The following ADAMTS3 variants were observed in gnomAD, a reference collection of about 807,000 sequenced individuals.
The protein encoded by ADAMTS3 is ADAM metallopeptidase with thrombospondin type 1 motif 3.
Under a neutral mutation model 129.0 loss-of-function variants are expected in ADAMTS3, and 73 were observed. The observed-to-expected ratio is 0.57, with a 90% CI of 0.47 to 0.69. The LOEUF is 0.69. ADAMTS3 is among the 30% of genes least tolerant of loss of function. The probability of loss-of-function intolerance (pLI) is 0.00; values close to 1 mark genes in which losing one functional copy is unlikely to be tolerated. For synonymous variants in ADAMTS3, 477 were observed against 510.8 expected (o/e 0.93, Z 0.89); for missense variants, 1,457 against 1,514.5 (o/e 0.96, Z 0.63).
intron 3 of ADAMTS3, among the ~76,000 whole-genome samples, chr4:72,416,425 A>T (rs1722306949): frequency 6.6e-6 from 1 of 151,916 alleles, no homozygotes; most frequent in Non-Finnish European, 1.5e-5. Context: ...ACAGCCCTGG[A>T]ACCTATGCGA....
At chr4:72,345,229 T>C (rs1180378316) in intron 4 of ADAMTS3, among the ~76,000 whole-genome samples, 1 of 152,142 alleles carries the variant, frequency 6.6e-6, no homozygotes, top group Non-Finnish European at 1.5e-5. Flanking sequence ...AGAATACTGT[T>C]ATGAAATGAA....
chr4:72,541,181 A>T (rs890957407), intron 3 of ADAMTS3, among the ~76,000 whole-genome samples: 39 of 152,268 alleles, frequency 2.6e-4, no homozygotes, highest in African/African-American at 9.1e-4. Context: ...CATCAGCATG[A>T]CCCAGATGTG....
chr4:72,440,821 T>C (rs1416018549), intron 3 of ADAMTS3, among the ~76,000 whole-genome samples: 1 of 151,768 alleles, frequency 6.6e-6, no homozygotes, highest in Non-Finnish European at 1.5e-5. Context: ...GGGAGTGAAA[T>C]ACACCTATTC....
intron 4 of ADAMTS3, among the ~76,000 whole-genome samples, chr4:72,390,790 G>A (rs1257763815): frequency 6.6e-6 from 1 of 151,000 alleles, no homozygotes; most frequent in Admixed American, 6.6e-5. Context: ...ATACCTGAAA[G>A]CTATTTTAAA....
chr4:72,353,478 G>A lies in ADAMTS3; in HGVS notation c.662-13785C>T, dbSNP rs577973049. Among the ~76,000 whole-genome samples the A allele has an allele frequency of 8.5e-4, 130 of 152,074 alleles. 1 individual carries two copies. Among genetic ancestry groups the A allele is most frequent in the African/African-American group, 3.0e-3 (125 of 41,526 alleles). ...TAGCTGTGTGGATGCTGAAAGAAAG[G>A]TGCAGTTTCAGTTGTAGCTGTTTGT... On this transcript the variant is annotated intron_variant, in intron 4 of 21. Coordinates refer to ENST00000286657, the MANE Select transcript of ADAMTS3 (RefSeq NM_014243.3).
At chr4:72,334,044 G>A (rs1379537079) in intron 5 of ADAMTS3, among the ~76,000 whole-genome samples, 2 of 151,662 alleles carry the variant, frequency 1.3e-5, no homozygotes, top group East Asian at 1.9e-4. Flanking sequence ...TAGTAGAGAC[G>A]GGGTTTCACC....
chr4:72,478,327 C>T lies in ADAMTS3; in HGVS notation c.505-63356G>A, dbSNP rs1719305737. ...TGGCAAAACGAATCCAGCAGCACAT[C>T]AAAAAGCTTATCCACCATGATCAAG... On this transcript the variant is annotated intron_variant, in intron 3 of 21. Coordinates refer to ENST00000286657, the MANE Select transcript of ADAMTS3 (RefSeq NM_014243.3). Among the ~76,000 whole-genome samples the T allele has an allele frequency of 2.0e-5, 3 of 151,098 alleles. No homozygotes were observed. The South Asian group carries it at 6.4e-4, about 32-fold the overall frequency.
intron 4 of ADAMTS3, among the ~76,000 whole-genome samples, chr4:72,350,283 G>A (rs749215172): frequency 1.3e-5 from 2 of 151,982 alleles, no homozygotes; most frequent in East Asian, 1.9e-4. Flanking sequence ...AAATAGTATC[G>A]ACCATATGGA....
intron 3 of ADAMTS3, among the ~76,000 whole-genome samples, chr4:72,452,226 C>T (rs1718425890): frequency 6.6e-6 from 1 of 151,686 alleles, no homozygotes; most frequent in Non-Finnish European, 1.5e-5. Context: ...ACCAGCTCTA[C>T]ACTTCACAAA....
In ADAMTS3 at chr4:72,560,424, T is replaced by C. The variant is rs921925955; in HGVS notation, c.97+6950A>G. On this transcript the variant is annotated intron_variant, in intron 2 of 21. Transcript: ENST00000286657. ...AGCACTATTCACAATAGCAAAGACA[T>C]GGAATCAACCCAAACGCCAATCAAT... Among the ~76,000 whole-genome samples the C allele has an allele frequency of 3.3e-5, 5 of 152,030 alleles. No individual in the cohort carries two copies. The East Asian group carries it at 5.8e-4, about 18-fold the overall frequency.
At chr4:72,303,109 C>T (rs569203359) in intron 17 of ADAMTS3, among the ~76,000 whole-genome samples, 30 of 152,294 alleles carry the variant, frequency 2.0e-4, no homozygotes, top group Admixed American at 1.2e-3. Context: ...AAGGACCTCA[C>T]GCAGCTGCCT....
intron 4 of ADAMTS3, among the ~76,000 whole-genome samples, chr4:72,399,874 A>G (rs62318848): frequency 0.2 from 841 of 4,208 alleles, 236 homozygotes; most frequent in African/African-American, 0.37. Flanking sequence ...GTGTATATAT[A>G]CACACACGGT....
At position 72,298,722 on chromosome 4, in the gene ADAMTS3, T is replaced by C. The variant is rs1349064466; in HGVS notation, c.2425-280A>G. Among the ~76,000 whole-genome samples, 13 of 151,918 alleles carry C rather than the reference T, an allele frequency of 8.6e-5. No individual in the cohort carries two copies. In the East Asian group the frequency reaches 2.5e-3, roughly 29 times the overall value. On this transcript the variant is annotated intron_variant, in intron 17 of 21. Coordinates refer to ENST00000286657, the MANE Select transcript of ADAMTS3 (RefSeq NM_014243.3). ...AAAATAATAACTTTATAAGGTTCAC[T>C]GTAGGTTTCCTTAAATTATATCATC...
intron 3 of ADAMTS3, among the ~76,000 whole-genome samples, chr4:72,476,205 T>A (rs1719227261): frequency 6.6e-6 from 1 of 151,298 alleles, no homozygotes; most frequent in Non-Finnish European, 1.5e-5. Context: ...TTTGAAAAGA[T>A]CAATAAAACT....
intron 4 of ADAMTS3, among the ~76,000 whole-genome samples, chr4:72,360,738 T>C (rs1395553416): frequency 1.3e-5 from 2 of 152,098 alleles, no homozygotes; most frequent in African/African-American, 4.8e-5. Flanking sequence ...TTAATACTTA[T>C]AATACTTTCC....
intron 15 of ADAMTS3, among the ~76,000 whole-genome samples, chr4:72,306,657 T>C (rs1033372476): frequency 6.6e-6 from 1 of 151,990 alleles, no homozygotes; most frequent in African/African-American, 2.4e-5. Flanking sequence ...AGTTTTATGA[T>C]GGGACTATTT....
intron 21 of ADAMTS3, among the ~76,000 whole-genome samples, chr4:72,284,167 A>C (rs907882166): frequency 6.6e-6 from 1 of 152,174 alleles, no homozygotes; most frequent in African/African-American, 2.4e-5. Context: ...AACAAAACAA[A>C]TCTTACAAAG....
At chr4:72,449,886 G>A (rs1210884500) in intron 3 of ADAMTS3, among the ~76,000 whole-genome samples, 1 of 151,374 alleles carries the variant, frequency 6.6e-6, no homozygotes, top group Non-Finnish European at 1.5e-5. Context: ...AATCTAAATA[G>A]CATGTCTTCC....
intron 2 of ADAMTS3, among the ~76,000 whole-genome samples, chr4:72,566,233 T>C (rs1722017389): frequency 6.6e-6 from 1 of 152,204 alleles, no homozygotes; most frequent in East Asian, 1.9e-4. Flanking sequence ...CATTTTGATA[T>C]ATGCTCATAT....
Sources: gnomAD v4.1 joint callset for allele counts (sites outside exome capture counted in the v4.1 genomes callset) on GRCh38, gnomAD v4.1.1 for gene constraint, MANE v1.5 for transcripts, NCBI Gene and HGNC (gene_info 2026-07-23, HGNC 2026-07-21) for gene names.